SLC5A1: variants seen among roughly 807,000 people sequenced by gnomAD.
SLC5A1 encodes the protein solute carrier family 5 member 1.
SLC5A1 carries 42 observed loss-of-function variants against 73.5 expected under a neutral mutation model. The observed-to-expected ratio is 0.57, with a 90% CI of 0.45 to 0.74. The LOEUF (loss-of-function observed/expected upper bound fraction) is 0.74. Ranked by LOEUF, SLC5A1 falls within the 30% of genes least tolerant of loss-of-function variation. SLC5A1 has a pLI of 0.00. For missense variants in SLC5A1, 634 were observed against 855.4 expected (o/e 0.74, Z 3.23); for synonymous variants, 300 against 317.4 (o/e 0.95, Z 0.58).
intron 1 of SLC5A1, among the ~76,000 whole-genome samples, chr22:32,046,559 TTC>T (rs1434074218): frequency 6.6e-6 from 1 of 152,186 alleles, no homozygotes; most frequent in Non-Finnish European, 1.5e-5. Flanking sequence ...GTCCTGGAAC[TTC>T]TCTCATTTTG....
At chr22:32,051,883 G>A (rs2093945520) in intron 2 of SLC5A1, among the ~76,000 whole-genome samples, 1 of 152,168 alleles carries the variant, frequency 6.6e-6, no homozygotes, top group African/African-American at 2.4e-5. Flanking sequence ...GAATGGATGT[G>A]GCTGACTTTA....
chr22:32,060,124 TAC>T (rs1196718887), intron 2 of SLC5A1, among the ~76,000 whole-genome samples: 5 of 48,942 alleles, frequency 1.0e-4, no homozygotes, highest in South Asian at 7.4e-4. Flanking sequence ...TATATATACA[TAC>T]ACACATATAT....
chr22:32,097,804 CTT>C (rs1359768971), intron 11 of SLC5A1, among the ~76,000 whole-genome samples: 1 of 152,098 alleles, frequency 6.6e-6, no homozygotes, highest in Admixed American at 6.5e-5. Flanking sequence ...GAATTTAAAA[CTT>C]GTTTATCAAA....
chr22:32,102,187 A>G lies in SLC5A1; in HGVS notation c.1615A>G (p.Ile539Val). 6.2e-7 allele frequency: 1 copy of G among 1,614,004 alleles called. No individual in the cohort carries two copies. Among genetic ancestry groups the G allele is most frequent in the South Asian group, 1.1e-5 (1 of 91,064 alleles). ...CATTATCCTCTTCGCCATTTCTTTC[A>G]TCACCATCGTGGTCATCTCCCTCCT... The part of the protein sequence containing the change: ...FAIILFAISF[I>V]TIVVISLLTK... The change falls in exon 13 of 15, where the codon ATC (isoleucine) becomes GTC (valine). Residue 539 changes from isoleucine (I) to valine (V), a missense_variant. Ile to Val is a conservative substitution (Grantham distance 29, BLOSUM62 3). Coordinates refer to ENST00000266088, the MANE Select transcript of SLC5A1 (RefSeq NM_000343.4).
At chr22:32,098,020 G>C (rs1011141578) in intron 11 of SLC5A1, among the ~76,000 whole-genome samples, 9 of 152,188 alleles carry the variant, frequency 5.9e-5, no homozygotes, top group Non-Finnish European at 1.0e-4. Flanking sequence ...ACACACTAGA[G>C]TGACTAAAAT....
chr22:32,099,147 T>C (rs767796132), intron 11 of SLC5A1, 36 bp from the exon 12 acceptor site: 3 of 1,339,692 alleles, frequency 2.2e-6, no homozygotes, highest in East Asian at 2.7e-5. Context: ...TGTAGAGCTA[T>C]TTATTGACAC....
chr22:32,092,839 C>T (rs1160083022), intron 11 of SLC5A1, among the ~76,000 whole-genome samples: 1 of 152,152 alleles, frequency 6.6e-6, no homozygotes, highest in African/African-American at 2.4e-5. Context: ...GTTTTTGTTG[C>T]ATTTGCCTTT....
chr22:32,065,715 C>G (rs946811693), intron 2 of SLC5A1, among the ~76,000 whole-genome samples: 2 of 152,306 alleles, frequency 1.3e-5, no homozygotes, highest in East Asian at 3.9e-4. Context: ...ACCACTGTCT[C>G]CTCATTGTCA....
In SLC5A1 at chr22:32,088,662, C is replaced by T. The variant is rs73391057; in HGVS notation, c.1129+2335C>T. Among the ~76,000 whole-genome samples the T allele has an allele frequency of 5.7e-3, 866 of 152,204 alleles. 4 individuals carry two copies. The highest frequency in any genetic ancestry group is 0.015 in the African/African-American group (628 of 41,534). ...CCTACTGTATTCCTTAATGACCTCC[C>T]TGTGCTAGACTAAATAGATATTTTC... On this transcript the variant is annotated intron_variant, in intron 10 of 14. Coordinates refer to ENST00000266088, the MANE Select transcript of SLC5A1 (RefSeq NM_000343.4).
intron 11 of SLC5A1, among the ~76,000 whole-genome samples, chr22:32,093,006 A>G (rs951751422): frequency 6.6e-6 from 1 of 152,158 alleles, no homozygotes; most frequent in African/African-American, 2.4e-5. Context: ...ATCCAGTTTT[A>G]TTCTCCTGCA....
At chr22:32,100,106 A>C (rs138208145) in intron 12 of SLC5A1, among the ~76,000 whole-genome samples, 150 of 152,346 alleles carry the variant, frequency 9.8e-4, no homozygotes, top group African/African-American at 3.3e-3. Flanking sequence ...CCTTTCAGGC[A>C]GAAGTAGGAC....
intron 9 of SLC5A1, 41 bp from the exon 10 acceptor site, chr22:32,086,179 C>T (rs1408424814): frequency 8.1e-7 from 1 of 1,229,956 alleles, no homozygotes. Context: ...AAATATTTCC[C>T]CAATGTCTGC....
chr22:32,084,709 C>T (rs758722884), intron 8 of SLC5A1, 50 bp downstream of exon 8: 69 of 1,560,710 alleles, frequency 4.4e-5, no homozygotes, highest in Non-Finnish European at 5.9e-5. Context: ...CAGGGCCCTA[C>T]AGGAACTCCT....
At chr22:32,049,110 A>ATT (rs2093941165) in intron 1 of SLC5A1, among the ~76,000 whole-genome samples, 1 of 144,460 alleles carries the variant, frequency 6.9e-6, no homozygotes, top group Non-Finnish European at 1.5e-5. Flanking sequence ...ATATATATAT[A>ATT]TAATCATTAT....
rs966014701 is a variant in SLC5A1 at position 32,112,721 on chromosome 22, C to G, written c.*2508C>G. 2.6e-5 allele frequency: 4 copies of G among 151,962 alleles called. No homozygotes were observed. Among genetic ancestry groups the G allele is most frequent in the Non-Finnish European group, 5.9e-5 (4 of 67,992 alleles). 9.4% of individuals were successfully genotyped at this position (151,962 alleles called of 1,614,324 possible). On this transcript the variant is annotated 3_prime_UTR_variant, in exon 15 of 15. Transcript: ENST00000266088. ...AAGCAGAGAGTAGAATGATGGTTAT[C>G]AAGGGCTGGGGGAGGGAGGGACTGG...
chr22:32,095,909 C>T (rs1182673777), intron 11 of SLC5A1, among the ~76,000 whole-genome samples: 1 of 152,172 alleles, frequency 6.6e-6, no homozygotes, highest in Non-Finnish European at 1.5e-5. Context: ...TGTTGAAATA[C>T]TTCTCCCGTG....
chr22:32,057,094 A>G (rs2093953006), intron 2 of SLC5A1, among the ~76,000 whole-genome samples: 1 of 152,204 alleles, frequency 6.6e-6, no homozygotes, highest in Non-Finnish European at 1.5e-5. Context: ...GCTATGGCGG[A>G]ACCAAGATTA....
At chr22:32,085,317 G>A (rs532309321) in intron 9 of SLC5A1, among the ~76,000 whole-genome samples, 1 of 152,062 alleles carries the variant, frequency 6.6e-6, no homozygotes, top group East Asian at 1.9e-4. Context: ...GTAGCGATGG[G>A]ATTTTGCTAT....
intron 7 of SLC5A1, among the ~76,000 whole-genome samples, chr22:32,083,535 T>C (rs1398243763): frequency 6.6e-6 from 1 of 152,246 alleles, no homozygotes; most frequent in Non-Finnish European, 1.5e-5. Flanking sequence ...TCTTAGGCTA[T>C]ATCTTATCTA....
Sources: allele counts gnomAD v4.1 joint callset (sites outside exome capture counted in the v4.1 genomes callset), GRCh38; gene constraint gnomAD v4.1.1; transcripts MANE v1.5; gene names NCBI Gene and HGNC (gene_info 2026-07-23, HGNC 2026-07-21).